The following POU1F1 variants were observed in gnomAD, a reference collection of about 807,000 sequenced individuals.
POU1F1 encodes the protein pituitary-specific positive transcription factor 1.
A neutral mutation model predicts 32.3 loss-of-function variants in POU1F1; 23 were observed. The observed-to-expected ratio is 0.71, with a 90% CI of 0.51 to 1.01. The LOEUF is 1.01. POU1F1 is among the 50% of genes least tolerant of loss of function. The pLI, the probability that POU1F1 is intolerant of heterozygous loss-of-function variation, is 0.00. For synonymous variants in POU1F1, 120 were observed against 115.6 expected (o/e 1.04, Z -0.25); for missense variants, 323 against 341.6 (o/e 0.95, Z 0.43).
At chr3:87,263,993 A>C (rs1032311897) in intron 3 of POU1F1, among the ~76,000 whole-genome samples, 25 of 151,994 alleles carry the variant, frequency 1.6e-4, no homozygotes, top group African/African-American at 6.0e-4. Context: ...AATCATATAA[A>C]TGTATGGCCT....
chr3:87,269,509 C>T (rs189021883), intron 2 of POU1F1, among the ~76,000 whole-genome samples: 215 of 151,334 alleles, frequency 1.4e-3, no homozygotes, highest in African/African-American at 5.0e-3. Flanking sequence ...AATTTAGGGC[C>T]AAATAAAACA....
chr3:87,264,257 C>T (rs997471028), intron 3 of POU1F1, 31 bp downstream of exon 3: 1 of 1,547,528 alleles, frequency 6.5e-7, no homozygotes, highest in Admixed American at 1.7e-5. Flanking sequence ...AAACCAAGTT[C>T]TTTTTCCTGT....
Position 87,276,474 on chromosome 3 carries a change from A to T in POU1F1, c.-12T>A. The T allele has an allele frequency of 6.2e-7, 1 of 1,613,516 alleles. No homozygotes were observed. On this transcript the variant is annotated 5_prime_UTR_variant, in exon 1 of 6. Coordinates refer to ENST00000350375, the MANE Select transcript of POU1F1 (RefSeq NM_000306.4). ...GCTTGGCAACTCATTCCCACAAGAGAGTAGAAAAATAAGGAGAACCGCTGC... is the reference window on the plus strand; with the variant it reads ...GCTTGGCAACTCATTCCCACAAGAGTGTAGAAAAATAAGGAGAACCGCTGC...
At chr3:87,265,299 T>C (rs1706597196) in intron 2 of POU1F1, among the ~76,000 whole-genome samples, 1 of 152,100 alleles carries the variant, frequency 6.6e-6, no homozygotes, top group South Asian at 2.1e-4. Context: ...TTTGCAACTT[T>C]ATATATGATA....
intron 4 of POU1F1, 132 bp downstream of exon 4, chr3:87,261,939 T>A (rs768298942): frequency 1.9e-5 from 20 of 1,080,148 alleles, no homozygotes; most frequent in Non-Finnish European, 2.8e-5. Context: ...AACAAAATGT[T>A]TATTTTTCAT....
In POU1F1 at chr3:87,259,753, T is replaced by TAA; in HGVS notation, c.*140_*141insTT. 2 of 686,262 alleles carry TAA rather than the reference T, an allele frequency of 2.9e-6. No homozygotes were observed. Among genetic ancestry groups the TAA allele is most frequent in the Non-Finnish European group, 4.9e-6 (2 of 411,282 alleles). 42.5% of individuals were successfully genotyped at this position (686,262 alleles called of 1,614,324 possible). A position where few individuals can be genotyped will look rare whatever the true frequency, so the allele number is the denominator to read the frequency against. On this transcript the variant is annotated 3_prime_UTR_variant, in exon 6 of 6. Transcript: ENST00000350375. Reference sequence around the variant, plus strand: ...AATTTAAATTGTTGGTTTCTTTTTTTTAAAAAAAAGTGGAAAAGTAAAGCT... The same window carrying TAA: ...AATTTAAATTGTTGGTTTCTTTTTTTAATAAAAAAAAGTGGAAAAGTAAAGCT...
Position 87,260,361 on chromosome 3 carries a change from T to C in POU1F1, c.666-257A>G, listed in dbSNP as rs1021675507. Among the ~76,000 whole-genome samples the C allele has an allele frequency of 2.2e-4, 34 of 152,156 alleles. 1 individual carries two copies. The highest frequency in any genetic ancestry group is 2.0e-3 in the Admixed American group (30 of 15,264). ...TAGGGGACCCAGACTTTCTATGTTT[T>C]TCCCACTTTGTGCCACCAGAGGGCA... On this transcript the variant is annotated intron_variant, in intron 5 of 5. Coordinates refer to ENST00000350375, the MANE Select transcript of POU1F1 (RefSeq NM_000306.4).
intron 1 of POU1F1, among the ~76,000 whole-genome samples, chr3:87,274,720 G>A (rs757835190): frequency 6.6e-6 from 1 of 151,350 alleles, no homozygotes; most frequent in Non-Finnish European, 1.5e-5. Flanking sequence ...TTCTATAATA[G>A]TTCCTTAGAC....
Position 87,259,784 on chromosome 3 carries a change from A to C in POU1F1, c.*110T>G. On this transcript the variant is annotated 3_prime_UTR_variant, in exon 6 of 6. Transcript: ENST00000350375. ...AAAAGTGGAAAAGTAAAGCTTCTGTAAAAGCTATTGATATAAAATGATTTT... is the reference window on the plus strand; with the variant it reads ...AAAAGTGGAAAAGTAAAGCTTCTGTCAAAGCTATTGATATAAAATGATTTT... 1.1e-6 allele frequency: 1 copy of C among 886,692 alleles called. No homozygotes were observed. Among genetic ancestry groups the C allele is most frequent in the Non-Finnish European group, 1.8e-6 (1 of 569,098 alleles). The allele number at this position is 886,692 out of a possible 1,614,324, so 54.9% of individuals were successfully genotyped here. A position where few individuals can be genotyped will look rare whatever the true frequency, so the allele number is the denominator to read the frequency against.
rs761014607 is a variant in POU1F1 at position 87,276,342 on chromosome 3, C to A, written c.121G>T (p.Ala41Ser). Residue 41 changes from alanine to serine, a missense_variant, in exon 1 of 6, where the codon GCC becomes TCC. Physicochemically the swap from Ala to Ser is moderately conservative, Grantham distance 99. Coordinates refer to ENST00000350375, the MANE Select transcript of POU1F1 (RefSeq NM_000306.4). ...GTACCTGTAGACATCACATTGGTGGCATGGTTGGAGACTGGTAGACACTCG... is the reference window on the plus strand; with the variant it reads ...GTACCTGTAGACATCACATTGGTGGAATGGTTGGAGACTGGTAGACACTCG... ...AAECLPVSNH[A>S]TNVMSTATGL... 6.2e-7 allele frequency: 1 copy of A among 1,613,916 alleles called. No individual in the cohort carries two copies.
At chr3:87,266,078 CAT>C (rs1706614475) in intron 2 of POU1F1, among the ~76,000 whole-genome samples, 2 of 150,448 alleles carry the variant, frequency 1.3e-5, no homozygotes, top group African/African-American at 2.4e-5. Context: ...AAATCAAAGA[CAT>C]GAGTAATAAT....
Position 87,262,062 on chromosome 3 carries a change from A to G in POU1F1, c.604+9T>C, listed in dbSNP as rs374875206. On this transcript the variant is annotated intron_variant, in intron 4 of 5. Coordinates refer to ENST00000350375, the MANE Select transcript of POU1F1 (RefSeq NM_000306.4). Reference sequence around the variant, plus strand: ...ACACAGCACAGCCTTCAGAGACACAATTTAGTACCTCCTACTTGCTCAGCT... The same window carrying G: ...ACACAGCACAGCCTTCAGAGACACAGTTTAGTACCTCCTACTTGCTCAGCT... 16 of 1,613,824 alleles carry G rather than the reference A, an allele frequency of 9.9e-6. No individual in the cohort carries two copies. The highest frequency in any genetic ancestry group is 2.7e-5 in the African/African-American group (2 of 74,928).
chr3:87,264,370 T>G lies in POU1F1; in HGVS notation c.357A>C (p.Glu119Asp). Residue 119 changes from glutamate to aspartate, a missense_variant, in exon 3 of 6, where the codon GAA becomes GAC. Glu to Asp is a conservative substitution (Grantham distance 45). Transcript: ENST00000350375. ...QELRRKSKLV[E>D]EPIDMDSPEI... ...CTGGAGAATCCATGTCTATTGGCTC[T>G]TCCACCAATTTACTTTTCCGCCTGA... 6.2e-7 allele frequency: 1 copy of G among 1,613,918 alleles called. No homozygotes were observed. The highest frequency in any genetic ancestry group is 8.5e-7 in the Non-Finnish European group (1 of 1,179,844).
chr3:87,268,755 G>A (rs394939), intron 2 of POU1F1, among the ~76,000 whole-genome samples: 1 of 152,164 alleles, frequency 6.6e-6, no homozygotes, highest in Non-Finnish European at 1.5e-5. Flanking sequence ...ACATAGCTCA[G>A]AAGTGTTTGC....
rs35893626 is a variant in POU1F1 at position 87,273,422 on chromosome 3, T to A, written c.143-4A>T. ...ACAGAATAATGAAGTCCTGTTGCTG[T>A]GTTTCCCAACGTTGTCACCGAGAAA... is the stretch of plus-strand genomic sequence containing the variant. On this transcript the variant is annotated splice_polypyrimidine_tract_variant and splice_region_variant and intron_variant, in intron 1 of 5. Coordinates refer to ENST00000350375, the MANE Select transcript of POU1F1 (RefSeq NM_000306.4). 5.4e-4 allele frequency: 865 copies of A among 1,612,418 alleles called. 5 individuals are homozygous for A. The African/African-American group carries it at 9.9e-3, about 18-fold the overall frequency.
chr3:87,272,729 C>A (rs992800207), intron 2 of POU1F1, among the ~76,000 whole-genome samples: 10 of 152,116 alleles, frequency 6.6e-5, no homozygotes, highest in Non-Finnish European at 1.3e-4. Flanking sequence ...CACTCAGAAG[C>A]AATTCAGAAA....
intron 5 of POU1F1, among the ~76,000 whole-genome samples, chr3:87,260,614 C>T (rs919329660): frequency 6.6e-6 from 1 of 151,992 alleles, no homozygotes; most frequent in Non-Finnish European, 1.5e-5. Context: ...TTGAAGAGAC[C>T]GAAACACTGA....
At chr3:87,267,072 T>C (rs536576347) in intron 2 of POU1F1, among the ~76,000 whole-genome samples, 5 of 152,306 alleles carry the variant, frequency 3.3e-5, no homozygotes, top group Admixed American at 2.6e-4. Context: ...ATTATGTTTA[T>C]TTTATATAAA....
intron 2 of POU1F1, among the ~76,000 whole-genome samples, chr3:87,270,326 A>G (rs769961087): frequency 1.1e-4 from 17 of 152,180 alleles, no homozygotes; most frequent in Non-Finnish European, 2.2e-4. Context: ...AATCACTTGA[A>G]CAATGTTAGT....
Sources: allele counts gnomAD v4.1 joint callset (sites outside exome capture counted in the v4.1 genomes callset), GRCh38; gene constraint gnomAD v4.1.1; transcripts MANE v1.5; gene names NCBI Gene and HGNC (gene_info 2026-07-23, HGNC 2026-07-21).